Variants in SGIP1 observed in about 807,000 individuals in gnomAD.
SGIP1 encodes the protein SH3GL interacting endocytic adaptor 1.
Under a neutral mutation model 107.5 loss-of-function variants are expected in SGIP1, and 38 were observed. That is an observed-to-expected ratio of 0.35 (90% CI 0.27 to 0.46). The LOEUF (loss-of-function observed/expected upper bound fraction) is 0.46, where lower values mean the gene tolerates loss of function less well. SGIP1 is among the 20% of genes least tolerant of loss of function. The probability of loss-of-function intolerance (pLI) is 1.00; values close to 1 mark genes in which losing one functional copy is unlikely to be tolerated. For synonymous variants in SGIP1, 365 were observed against 366.1 expected (o/e 1.00, Z 0.03); for missense variants, 929 against 1,019.5 (o/e 0.91, Z 1.21).
intron 1 of SGIP1, among the ~76,000 whole-genome samples, chr1:66,604,831 G>T (rs1014563139): frequency 6.6e-6 from 1 of 152,044 alleles, no homozygotes; most frequent in Non-Finnish European, 1.5e-5. Context: ...AGTTCTTTCC[G>T]CTCCCTCAAG....
chr1:66,716,361 G>C (rs898501447), intron 18 of SGIP1, among the ~76,000 whole-genome samples: 19 of 152,150 alleles, frequency 1.2e-4, no homozygotes, highest in African/African-American at 4.6e-4. Flanking sequence ...GACTATCATA[G>C]AAGACTATTA....
Position 66,726,372 on chromosome 1 carries a change from T to A in SGIP1, c.1743-2892T>A, listed in dbSNP as rs544325310. ...GGCAATGATTGATTTTATATAGACA[T>A]TGACACGGTGATTATAAACCTCATG... On this transcript the variant is annotated intron_variant, in intron 19 of 24. Transcript: ENST00000371037. Among the ~76,000 whole-genome samples, 6 of 152,234 alleles carry A rather than the reference T, an allele frequency of 3.9e-5. No homozygotes were observed. The South Asian group carries it at 1.2e-3, about 32-fold the overall frequency.
chr1:66,665,812 G>C (rs2082413961), intron 8 of SGIP1: 1 of 152,066 alleles, frequency 6.6e-6, no homozygotes, highest in South Asian at 2.1e-4. Context: ...ACTTTTTGAT[G>C]GGGTTATTTG....
intron 2 of SGIP1, among the ~76,000 whole-genome samples, chr1:66,628,246 C>A (rs776229928): frequency 2.6e-5 from 4 of 151,998 alleles, no homozygotes; most frequent in Non-Finnish European, 5.9e-5. Context: ...GATTTATATT[C>A]CCTTGCCATT....
Position 66,643,664 on chromosome 1 carries a change from C to T in SGIP1, c.404C>T (p.Thr135Ile). 1 of 1,612,522 alleles carries T rather than the reference C, an allele frequency of 6.2e-7. No homozygotes were observed. Among genetic ancestry groups the T allele is most frequent in the Non-Finnish European group, 8.5e-7 (1 of 1,179,452 alleles). ...AAAGACATTCTTAAGAATGCTGCAA[C>T]TGTAGATGAATTGAAGGCATCAATA... ...QSKDILKNAA[T>I]VDELKASIGN... Residue 135 changes from threonine (T) to isoleucine (I), a missense_variant, in exon 7 of 25, where the codon ACT becomes ATT. This residue lies in a region of SGIP1 where 588 missense variants were observed against 588.6 expected (regional missense o/e 1.00). Transcript: ENST00000371037.
chr1:66,631,275 T>A (rs1014185424), intron 2 of SGIP1, among the ~76,000 whole-genome samples: 3 of 152,184 alleles, frequency 2.0e-5, no homozygotes, highest in Non-Finnish European at 4.4e-5. Context: ...TTTTCATTAT[T>A]TTTATCCTTT....
At position 66,679,668 on chromosome 1, in the gene SGIP1, CT is replaced by C; in HGVS notation, c.740-5del. On this transcript the variant is annotated splice_polypyrimidine_tract_variant and intron_variant, in intron 13 of 24. Coordinates refer to ENST00000371037, the MANE Select transcript of SGIP1 (RefSeq NM_032291.4). ...TGACCAATGATACTTAATTTCTCAT[CT>C]TTTTGCAGCACCTCCACCACTGCCT... 2.5e-6 allele frequency: 4 copies of C among 1,602,506 alleles called. No individual in the cohort carries two copies. The South Asian group carries it at 4.5e-5, about 18-fold the overall frequency.
At chr1:66,678,585 A>G (rs2085908842) in intron 13 of SGIP1, among the ~76,000 whole-genome samples, 1 of 152,218 alleles carries the variant, frequency 6.6e-6, no homozygotes, top group Admixed American at 6.5e-5. Flanking sequence ...ATGGTCCACT[A>G]GAGGTGTAGC....
chr1:66,640,471 T>C (rs563907837), intron 5 of SGIP1, among the ~76,000 whole-genome samples: 1 of 152,254 alleles, frequency 6.6e-6, no homozygotes, highest in Non-Finnish European at 1.5e-5. Context: ...AGGCCTAACA[T>C]ATACATAGAG....
chr1:66,547,803 T>C (rs2056685114), intron 1 of SGIP1, among the ~76,000 whole-genome samples: 1 of 151,922 alleles, frequency 6.6e-6, no homozygotes, highest in Admixed American at 6.6e-5. Flanking sequence ...AATGGAATCG[T>C]GGTGGAGAAT....
intron 18 of SGIP1, among the ~76,000 whole-genome samples, chr1:66,696,110 T>G (rs1320412154): frequency 6.6e-6 from 1 of 152,200 alleles, no homozygotes; most frequent in Non-Finnish European, 1.5e-5. Flanking sequence ...ATTTAGAAGA[T>G]TAAGGAAAAT....
intron 1 of SGIP1, among the ~76,000 whole-genome samples, chr1:66,571,049 G>A (rs1238931456): frequency 4.6e-5 from 7 of 151,922 alleles, no homozygotes; most frequent in Non-Finnish European, 2.9e-5. Flanking sequence ...GCCTCCCAAT[G>A]GGATGCAATA....
At chr1:66,683,477 C>T (rs566280337) in intron 15 of SGIP1, among the ~76,000 whole-genome samples, 3 of 152,004 alleles carry the variant, frequency 2.0e-5, no homozygotes, top group Non-Finnish European at 2.9e-5. Flanking sequence ...TGAGAGCATC[C>T]GTGGTGATCA....
At chr1:66,731,515 A>C (rs1426158998) in intron 20 of SGIP1, among the ~76,000 whole-genome samples, 1 of 152,148 alleles carries the variant, frequency 6.6e-6, no homozygotes, top group African/African-American at 2.4e-5. Flanking sequence ...ATAGACCCTT[A>C]AATTATTATT....
intron 21 of SGIP1, 132 bp from the exon 22 acceptor site, chr1:66,739,203 C>G: frequency 2.1e-6 from 2 of 953,100 alleles, no homozygotes; most frequent in Non-Finnish European, 3.2e-6. Context: ...ACCCAGCTCT[C>G]TCACAGCACG....
chr1:66,673,986 GA>G (rs1276644594), intron 12 of SGIP1, among the ~76,000 whole-genome samples: 1 of 130,912 alleles, frequency 7.6e-6, no homozygotes, highest in East Asian at 5.5e-4. Context: ...ACAACATACG[GA>G]GACCCCCATC....
At chr1:66,642,519 G>A (rs2076973618) in intron 5 of SGIP1, among the ~76,000 whole-genome samples, 1 of 152,114 alleles carries the variant, frequency 6.6e-6, no homozygotes, top group Non-Finnish European at 1.5e-5. Flanking sequence ...TATCACCCAT[G>A]TTGCTTAGCA....
Position 66,534,237 on chromosome 1 carries a change from C to T in SGIP1, c.-122C>T. ...TTGGCTTAACACTTATCTCCTTTGGCTTTGACAGCGGACGGAATAGACCTC... is the reference window on the plus strand; with the variant it reads ...TTGGCTTAACACTTATCTCCTTTGGTTTTGACAGCGGACGGAATAGACCTC... On this transcript the variant is annotated 5_prime_UTR_variant, in exon 1 of 25. Coordinates refer to ENST00000371037, the MANE Select transcript of SGIP1 (RefSeq NM_032291.4). 9.5e-7 allele frequency: 1 copy of T among 1,051,664 alleles called. No homozygotes were observed. Among genetic ancestry groups the T allele is most frequent in the Non-Finnish European group, 1.5e-6 (1 of 676,816 alleles). 65.1% of individuals were successfully genotyped at this position (1,051,664 alleles called of 1,614,324 possible).
chr1:66,710,087 C>G (rs1408050623), intron 18 of SGIP1, among the ~76,000 whole-genome samples: 1 of 151,836 alleles, frequency 6.6e-6, no homozygotes. Flanking sequence ...TATGTAGTAA[C>G]TTTATTTTGA....
Sources: gnomAD v4.1 joint callset for allele counts (sites outside exome capture counted in the v4.1 genomes callset) on GRCh38, gnomAD v4.1.1 for gene constraint, gnomAD v4.1.1 regional missense constraint, MANE v1.5 for transcripts, NCBI Gene and HGNC (gene_info 2026-07-23, HGNC 2026-07-21) for gene names.